RIMS1: variants seen among roughly 807,000 people sequenced by gnomAD.
RIMS1 encodes regulating synaptic membrane exocytosis protein 1.
Under a neutral mutation model 214.1 loss-of-function variants are expected in RIMS1, and 83 were observed. The ratio of observed to expected loss-of-function variants is 0.39; its 90% confidence interval spans 0.32 to 0.47. The LOEUF (loss-of-function observed/expected upper bound fraction) is 0.47, where lower values mean the gene tolerates loss of function less well. RIMS1 is among the 20% of genes least tolerant of loss of function. RIMS1 has a pLI of 0.99. For synonymous variants in RIMS1, 793 were observed against 786.8 expected (o/e 1.01, Z -0.13); for missense variants, 2,050 against 2,161.8 (o/e 0.95, Z 1.03).
rs184654353 is a variant in RIMS1, at chr6:72,107,973, C to T, written c.471+7987C>T. ...GCCTTAGCATTTGCTGGTATCAGCCCGATTCCATTCTGTTTTTTTGTTTGT... is the reference window on the plus strand; with the variant it reads ...GCCTTAGCATTTGCTGGTATCAGCCTGATTCCATTCTGTTTTTTTGTTTGT... On this transcript the variant is annotated intron_variant, in intron 4 of 33. Transcript: ENST00000521978. 5.8e-3 allele frequency among the ~76,000 whole-genome samples: 884 copies of T among 151,804 alleles called. 10 individuals carry two copies. The highest frequency in any genetic ancestry group is 0.019 in the African/African-American group (795 of 41,418).
At chr6:71,920,610 C>T (rs1487932277) in intron 1 of RIMS1, among the ~76,000 whole-genome samples, 39 of 152,138 alleles carry the variant, frequency 2.6e-4, no homozygotes, top group Admixed American at 2.5e-3. Flanking sequence ...AGAATTAACT[C>T]ATTCCATCAA....
At chr6:72,199,259 T>G (rs541093235) in intron 6 of RIMS1, among the ~76,000 whole-genome samples, 2 of 152,096 alleles carry the variant, frequency 1.3e-5, no homozygotes, top group South Asian at 2.1e-4. Flanking sequence ...AAAAAAATCC[T>G]TGTCCAAATG....
chr6:71,954,871 C>CCACACA (rs113212281), intron 1 of RIMS1, among the ~76,000 whole-genome samples: 2,338 of 147,398 alleles, frequency 0.016, 44 homozygotes, highest in African/African-American at 0.042. Flanking sequence ...CACACACACT[C>CCACACA]CACACACACA....
intron 2 of RIMS1, among the ~76,000 whole-genome samples, chr6:72,026,975 A>G (rs1585168528): frequency 1.3e-5 from 2 of 152,224 alleles, no homozygotes; most frequent in Admixed American, 6.5e-5. Flanking sequence ...ATTTTCTTCC[A>G]TCATCTGCAG....
intron 18 of RIMS1, among the ~76,000 whole-genome samples, chr6:72,259,558 A>C (rs1416308349): frequency 6.6e-6 from 1 of 152,186 alleles, no homozygotes; most frequent in Admixed American, 6.6e-5. Context: ...GAACTTCAAT[A>C]ATAATGTTTC....
chr6:72,199,050 A>G (rs2051474746), intron 6 of RIMS1, among the ~76,000 whole-genome samples: 1 of 152,036 alleles, frequency 6.6e-6, no homozygotes. Context: ...TGCAAAAAGA[A>G]GTTTGTTCAG....
intron 29 of RIMS1, among the ~76,000 whole-genome samples, chr6:72,350,431 G>A (rs1409947543): frequency 2.0e-5 from 3 of 152,020 alleles, no homozygotes. Flanking sequence ...GGCACTGGAG[G>A]CAACAGCATG....
chr6:71,920,939 TATATC>T (rs1779782241), intron 1 of RIMS1, among the ~76,000 whole-genome samples: 2 of 152,330 alleles, frequency 1.3e-5, no homozygotes, highest in South Asian at 4.1e-4. Flanking sequence ...TCCTGAGACA[TATATC>T]AGATACTTCT....
At chr6:72,064,289 G>C (rs1305149984) in intron 2 of RIMS1, among the ~76,000 whole-genome samples, 1 of 151,524 alleles carries the variant, frequency 6.6e-6, no homozygotes, top group Non-Finnish European at 1.5e-5. Flanking sequence ...TTGCACTCCA[G>C]CCTGGGCAAC....
intron 4 of RIMS1, among the ~76,000 whole-genome samples, chr6:72,160,533 C>T (rs1588273059): frequency 7.2e-6 from 1 of 139,340 alleles, no homozygotes; most frequent in South Asian, 2.4e-4. Flanking sequence ...TCATAAATAG[C>T]TCTTATTATT....
chr6:72,214,474 T>C (rs2054861991), intron 6 of RIMS1, among the ~76,000 whole-genome samples: 1 of 152,152 alleles, frequency 6.6e-6, no homozygotes, highest in Non-Finnish European at 1.5e-5. Context: ...GAACTCACGG[T>C]AATTATACTA....
chr6:72,399,123 A>T, intron 33 of RIMS1, 29 bp downstream of exon 33: 1 of 1,552,150 alleles, frequency 6.4e-7, no homozygotes, highest in Non-Finnish European at 8.7e-7. Context: ...GGCTTTTTAC[A>T]TTGAAATGTC....
intron 12 of RIMS1, among the ~76,000 whole-genome samples, chr6:72,248,776 T>C (rs1160491174): frequency 6.6e-6 from 1 of 152,224 alleles, no homozygotes; most frequent in Non-Finnish European, 1.5e-5. Flanking sequence ...CCTCTGATAA[T>C]GTGTGGATTT....
intron 2 of RIMS1, among the ~76,000 whole-genome samples, chr6:72,089,224 A>G (rs1835499422): frequency 6.6e-6 from 1 of 152,218 alleles, no homozygotes; most frequent in African/African-American, 2.4e-5. Flanking sequence ...TTTAGGTTCC[A>G]TCAGTCAAAT....
chr6:72,323,236 C>T (rs926488617), intron 28 of RIMS1, among the ~76,000 whole-genome samples: 1 of 151,956 alleles, frequency 6.6e-6, no homozygotes, highest in African/African-American at 2.4e-5. Flanking sequence ...AGAGCCTCCA[C>T]AGGGTTTCAT....
chr6:72,069,830 A>G (rs999126798), intron 2 of RIMS1, among the ~76,000 whole-genome samples: 1 of 152,274 alleles, frequency 6.6e-6, no homozygotes, highest in African/African-American at 2.4e-5. Flanking sequence ...ACTCCTATCC[A>G]TGCAAGCATT....
At chr6:72,356,063 T>C (rs954384132) in intron 29 of RIMS1, among the ~76,000 whole-genome samples, 5 of 152,172 alleles carry the variant, frequency 3.3e-5, no homozygotes, top group Non-Finnish European at 7.3e-5. Context: ...TATTAAGCTT[T>C]CCTGTGATAC....
chr6:72,223,617 A>C (rs1253344811), intron 6 of RIMS1, among the ~76,000 whole-genome samples: 2 of 152,186 alleles, frequency 1.3e-5, no homozygotes, highest in African/African-American at 2.4e-5. Context: ...AAAAAAGTGT[A>C]ATTCATTACA....
At chr6:71,936,457 A>G (rs750017598) in intron 1 of RIMS1, among the ~76,000 whole-genome samples, 7 of 152,182 alleles carry the variant, frequency 4.6e-5, no homozygotes, top group Non-Finnish European at 8.8e-5. Context: ...CTGCCTCCCT[A>G]CACCACCTAA....
Sources: gnomAD v4.1 joint callset for allele counts (sites outside exome capture counted in the v4.1 genomes callset) on GRCh38, gnomAD v4.1.1 for gene constraint, MANE v1.5 for transcripts, NCBI Gene and HGNC (gene_info 2026-07-23, HGNC 2026-07-21) for gene names.